CYREN: variants seen among roughly 807,000 people sequenced by gnomAD.
CYREN encodes cell cycle regulator of NHEJ.
Under a neutral mutation model 9.7 loss-of-function variants are expected in CYREN, and 7 were observed. That is an observed-to-expected ratio of 0.72 (90% CI 0.41 to 1.36). CYREN has a LOEUF of 1.36. Among genes scored for constraint, CYREN ranks in the 40% most tolerant of loss-of-function variants. CYREN has a pLI of 0.01. For missense variants in CYREN, 215 were observed against 198.1 expected (o/e 1.09, Z -0.51); for synonymous variants, 76 against 77.9 (o/e 0.98, Z 0.13).
intron 2 of CYREN, among the ~76,000 whole-genome samples, chr7:135,145,595 AG>A (rs1172312978): frequency 6.6e-6 from 1 of 152,214 alleles, no homozygotes; most frequent in African/African-American, 2.4e-5. Context: ...TAAAGATTTG[AG>A]GGTTGGATTA....
intron 2 of CYREN, among the ~76,000 whole-genome samples, chr7:135,120,899 T>C (rs1336501212): frequency 2.0e-5 from 3 of 152,166 alleles, no homozygotes; most frequent in Non-Finnish European, 4.4e-5. Flanking sequence ...CAATCTTAGA[T>C]GTGTGTATAA....
chr7:135,169,379 C>T (rs1165512411), intron 1 of CYREN: 1 of 153,280 alleles, frequency 6.5e-6, no homozygotes, highest in African/African-American at 2.4e-5. Context: ...ACCCCAAATG[C>T]CACTGTCCTC....
At chr7:135,105,388 C>T (rs1180900928) in intron 2 of CYREN, among the ~76,000 whole-genome samples, 1 of 152,148 alleles carries the variant, frequency 6.6e-6, no homozygotes, top group African/African-American at 2.4e-5. Flanking sequence ...AGTTTTTAAT[C>T]CATCTTGAGT....
chr7:135,160,446 A>G (rs1394486057), intron 2 of CYREN, among the ~76,000 whole-genome samples: 1 of 152,234 alleles, frequency 6.6e-6, no homozygotes, highest in Non-Finnish European at 1.5e-5. Context: ...CCCATGGGGA[A>G]GTAGAGAAGA....
At chr7:135,171,005 GT>G (rs1830625626), upstream of CYREN, among the ~76,000 whole-genome samples, 1 of 152,238 alleles carries the variant, frequency 6.6e-6, no homozygotes, top group Non-Finnish European at 1.5e-5. Context: ...GAACGGGCAT[GT>G]TTTGGAAAGG....
chr7:135,140,950 C>T (rs762783834), intron 2 of CYREN, among the ~76,000 whole-genome samples: 13 of 152,046 alleles, frequency 8.6e-5, no homozygotes, highest in Non-Finnish European at 1.9e-4. Flanking sequence ...CTGCCGGATT[C>T]GGTTTGCTAG....
intron 2 of CYREN, among the ~76,000 whole-genome samples, chr7:135,117,531 T>C (rs1826495744): frequency 6.6e-6 from 1 of 152,228 alleles, no homozygotes; most frequent in South Asian, 2.1e-4. Flanking sequence ...ATTCTCACTT[T>C]ACCCTGAAAT....
chr7:135,118,734 T>C (rs1284155240), intron 2 of CYREN, among the ~76,000 whole-genome samples: 2 of 152,092 alleles, frequency 1.3e-5, no homozygotes, highest in African/African-American at 2.4e-5. Flanking sequence ...ATTTTTAAAG[T>C]AATCATAATT....
intron 2 of CYREN, among the ~76,000 whole-genome samples, chr7:135,098,268 T>C (rs998163755): frequency 1.3e-5 from 2 of 152,190 alleles, no homozygotes; most frequent in Non-Finnish European, 2.9e-5. Context: ...TACCAAAATC[T>C]GCATATGCTC....
intron 2 of CYREN, among the ~76,000 whole-genome samples, chr7:135,133,344 G>T (rs1482510824): frequency 6.6e-6 from 1 of 152,188 alleles, no homozygotes; most frequent in Non-Finnish European, 1.5e-5. Context: ...CAATAAAGAT[G>T]TCAGTTCTTC....
chr7:135,167,869 G>A (rs1381955383), intron 2 of CYREN, 62 bp from the exon 3 acceptor site: 1 of 1,610,410 alleles, frequency 6.2e-7, no homozygotes, highest in Non-Finnish European at 8.5e-7. Flanking sequence ...AGGGCAAAGA[G>A]AACAGGAGAA....
At chr7:135,115,394 T>C (rs1187762888) in intron 2 of CYREN, 1 of 1,550,566 alleles carries the variant, frequency 6.4e-7, no homozygotes, top group Admixed American at 2.0e-5. Flanking sequence ...GCACCACAAC[T>C]TAAAAAGCAA....
chr7:135,141,245 T>G (rs1829447558), intron 2 of CYREN, among the ~76,000 whole-genome samples: 2 of 152,204 alleles, frequency 1.3e-5, no homozygotes, highest in Middle Eastern at 3.4e-3. Flanking sequence ...CTTGTTATAG[T>G]ATGTTCAGGA....
intron 2 of CYREN, among the ~76,000 whole-genome samples, chr7:135,141,603 C>A (rs750018299): frequency 1.3e-5 from 2 of 151,768 alleles, no homozygotes; most frequent in Non-Finnish European, 2.9e-5. Context: ...GCTTTGGGGT[C>A]GGTTCACTCC....
intron 2 of CYREN, among the ~76,000 whole-genome samples, chr7:135,108,480 G>C (rs1298050497): frequency 6.6e-6 from 1 of 152,122 alleles, no homozygotes; most frequent in Non-Finnish European, 1.5e-5. Flanking sequence ...AGTTTGACTG[G>C]ATGTGGAATT....
intron 2 of CYREN, chr7:135,115,493 G>T: frequency 6.4e-7 from 1 of 1,551,206 alleles, no homozygotes; most frequent in Non-Finnish European, 8.7e-7. Context: ...TAAAGGAATA[G>T]TTCAAACTCA....
chr7:135,160,746 A>AC (rs1436102276), intron 2 of CYREN, among the ~76,000 whole-genome samples: 3 of 151,666 alleles, frequency 2.0e-5, no homozygotes, highest in Non-Finnish European at 4.4e-5. Context: ...AAAAAAAAAA[A>AC]ACAAAAAAAA....
chr7:135,116,698 C>T (rs2348280), intron 2 of CYREN, among the ~76,000 whole-genome samples: 73,748 of 151,988 alleles, frequency 0.49, 18,263 homozygotes, highest in South Asian at 0.66. Context: ...TTGAGATCCC[C>T]CATTATACCT....
chr7:135,165,002 G>A (rs1410714415), downstream of CYREN: 4 of 1,570,342 alleles, frequency 2.5e-6, no homozygotes, highest in East Asian at 4.5e-5. Context: ...GCTGCTAAAG[G>A]CTTACGTGAT....
Sources: allele counts gnomAD v4.1 joint callset (sites outside exome capture counted in the v4.1 genomes callset), GRCh38; gene constraint gnomAD v4.1.1; transcripts MANE v1.5; gene names NCBI Gene and HGNC (gene_info 2026-07-23, HGNC 2026-07-21).